The following NCOR1 variants were observed in gnomAD, a reference collection of about 807,000 sequenced individuals.
NCOR1 encodes the protein nuclear receptor corepressor 1.
NCOR1 carries 63 observed loss-of-function variants against 288.1 expected under a neutral mutation model. That is an observed-to-expected ratio of 0.22 (90% CI 0.18 to 0.27). The LOEUF is 0.27. NCOR1 is among the 10% of genes least tolerant of loss of function. NCOR1 has a pLI of 1.00. For missense variants in NCOR1, 2,397 were observed against 3,019.2 expected (o/e 0.79, Z 4.83); for synonymous variants, 1,007 against 1,065.9 (o/e 0.94, Z 1.08).
chr17:16,197,733 G>A (rs1441042633), intron 1 of NCOR1, among the ~76,000 whole-genome samples: 1 of 152,182 alleles, frequency 6.6e-6, no homozygotes, highest in Non-Finnish European at 1.5e-5. Flanking sequence ...AAAACCACCT[G>A]AGGAGCTTTC....
chr17:16,121,386 T>G (rs1454001162), intron 15 of NCOR1, 117 bp from the exon 16 acceptor site: 2 of 691,764 alleles, frequency 2.9e-6, no homozygotes, highest in Non-Finnish European at 2.1e-6. Flanking sequence ...AATCTCTCAC[T>G]CAAAAAAAAA....
intron 28 of NCOR1, 53 bp from the exon 29 acceptor site, chr17:16,072,281 C>G (rs2061845403): frequency 6.2e-6 from 8 of 1,284,836 alleles, no homozygotes; most frequent in Middle Eastern, 1.9e-4. Context: ...TATGTCAACT[C>G]ACATATACTG....
chr17:16,043,305 C>T (rs1277655481), intron 42 of NCOR1, among the ~76,000 whole-genome samples: 1 of 152,146 alleles, frequency 6.6e-6, no homozygotes, highest in African/African-American at 2.4e-5. Flanking sequence ...TCATTTAGTT[C>T]TACTTCCCAG....
At chr17:16,185,008 C>CAAAAAAAAA (rs34725978) in intron 3 of NCOR1, among the ~76,000 whole-genome samples, 6 of 97,348 alleles carry the variant, frequency 6.2e-5, no homozygotes, top group Non-Finnish European at 9.7e-5. Context: ...GAATCTTAAA[C>CAAAAAAAAA]AAAAAAAAAA....
At chr17:16,194,365 A>T in intron 2 of NCOR1, 97 bp downstream of exon 2, 3 of 655,590 alleles carry the variant, frequency 4.6e-6, no homozygotes, top group Non-Finnish European at 4.9e-6. Context: ...AAAAAAAAAG[A>T]TAAATTTGGT....
intron 4 of NCOR1, among the ~76,000 whole-genome samples, chr17:16,169,208 C>T (rs907544236): frequency 2.6e-5 from 4 of 152,022 alleles, no homozygotes; most frequent in Non-Finnish European, 5.9e-5. Flanking sequence ...AATATTCATA[C>T]GGGCTGACTC....
intron 42 of NCOR1, 77 bp downstream of exon 42, chr17:16,046,874 T>C: frequency 6.5e-7 from 1 of 1,533,554 alleles, no homozygotes; most frequent in East Asian, 2.3e-5. Flanking sequence ...AACTCAAGCA[T>C]TACAGGAGAG....
intron 2 of NCOR1, among the ~76,000 whole-genome samples, chr17:16,191,031 A>T (rs1324287026): frequency 6.6e-6 from 1 of 152,230 alleles, no homozygotes; most frequent in African/African-American, 2.4e-5. Flanking sequence ...AACTTCCAGA[A>T]GTTAGTTTCA....
chr17:16,038,538 G>A (rs1401495981), intron 44 of NCOR1, among the ~76,000 whole-genome samples: 1 of 151,780 alleles, frequency 6.6e-6, no homozygotes, highest in Non-Finnish European at 1.5e-5. Flanking sequence ...CTGGGCTCAA[G>A]TGATCTTCCC....
intron 45 of NCOR1, among the ~76,000 whole-genome samples, 175 bp downstream of exon 45, chr17:16,034,583 GGGTGACA>G (rs1398207691): frequency 6.6e-6 from 1 of 152,068 alleles, no homozygotes; most frequent in African/African-American, 2.4e-5. Flanking sequence ...ATTCCAGCCT[GGGTGACA>G]GAACAAGACC....
At chr17:16,092,515 C>T (rs1453584984) in intron 21 of NCOR1, among the ~76,000 whole-genome samples, 1 of 151,140 alleles carries the variant, frequency 6.6e-6, no homozygotes, top group South Asian at 2.1e-4. Flanking sequence ...ATATAAATCA[C>T]ACAAGCTGTA....
Position 16,165,165 on chromosome 17 carries a change from T to A in NCOR1, c.436-4A>T. On this transcript the variant is annotated splice_polypyrimidine_tract_variant and splice_region_variant and intron_variant, in intron 4 of 45. Transcript: ENST00000268712. The stretch of plus-strand genomic sequence containing the variant: ...GTTTGCCTCCGAATGCTGGATCCTT[T>A]AGAGAATAAAACCAAGAAAAACAAT... 1 of 1,583,388 alleles carries A rather than the reference T, an allele frequency of 6.3e-7. No homozygotes were observed. The highest frequency in any genetic ancestry group is 8.5e-7 in the Non-Finnish European group (1 of 1,172,504).
chr17:16,047,468 AT>A (rs993765681), intron 41 of NCOR1, among the ~76,000 whole-genome samples: 4 of 152,182 alleles, frequency 2.6e-5, no homozygotes, highest in African/African-American at 9.7e-5. Flanking sequence ...ACTGGGAACA[AT>A]TTTACTAGAA....
At chr17:16,059,639 G>A (rs1010981938) in intron 37 of NCOR1, among the ~76,000 whole-genome samples, 16 of 152,158 alleles carry the variant, frequency 1.1e-4, no homozygotes, top group African/African-American at 3.9e-4. Flanking sequence ...AGATGTAACC[G>A]CCTGCTCAGG....
At chr17:16,081,638 G>A (rs1424837970) in intron 23 of NCOR1, among the ~76,000 whole-genome samples, 1 of 152,168 alleles carries the variant, frequency 6.6e-6, no homozygotes, top group Non-Finnish European at 1.5e-5. Context: ...TTCTCTGGGA[G>A]ACTCCATTCA....
At chr17:16,061,096 C>T (rs1598036022) in intron 37 of NCOR1, among the ~76,000 whole-genome samples, 1 of 152,100 alleles carries the variant, frequency 6.6e-6, no homozygotes, top group East Asian at 1.9e-4. Context: ...ACCTCAGTAG[C>T]CCAGAGCCTG....
intron 11 of NCOR1, among the ~76,000 whole-genome samples, chr17:16,142,444 G>A (rs1221117097): frequency 6.6e-6 from 1 of 151,910 alleles, no homozygotes; most frequent in Non-Finnish European, 1.5e-5. Context: ...TTAAGAAAAG[G>A]CATATAATAA....
chr17:16,036,794 T>C (rs2056472678), intron 44 of NCOR1, among the ~76,000 whole-genome samples: 1 of 152,222 alleles, frequency 6.6e-6, no homozygotes, highest in African/African-American at 2.4e-5. Flanking sequence ...GCTGGTTTGG[T>C]CTTCTATCCA....
At chr17:16,143,977 C>A (rs2077502919) in intron 10 of NCOR1, among the ~76,000 whole-genome samples, 1 of 152,122 alleles carries the variant, frequency 6.6e-6, no homozygotes, top group Non-Finnish European at 1.5e-5. Context: ...ATGCCAATTC[C>A]ATTTCAAATG....
Sources: gnomAD v4.1 joint callset for allele counts (sites outside exome capture counted in the v4.1 genomes callset) on GRCh38, gnomAD v4.1.1 for gene constraint, MANE v1.5 for transcripts, NCBI Gene and HGNC (gene_info 2026-07-23, HGNC 2026-07-21) for gene names.